The following SORCS2 variants were observed in gnomAD, a reference collection of about 807,000 sequenced individuals.
The protein encoded by SORCS2 is sortilin related VPS10 domain containing receptor 2.
A neutral mutation model predicts 141.6 loss-of-function variants in SORCS2; 100 were observed. That is an observed-to-expected ratio of 0.71 (90% CI 0.60 to 0.83). The LOEUF (loss-of-function observed/expected upper bound fraction) is 0.83, where lower values mean the gene tolerates loss of function less well. Among genes scored for constraint, SORCS2 ranks in the 40% least tolerant of loss-of-function variants. SORCS2 has a pLI of 0.00. For synonymous variants in SORCS2, 789 were observed against 676.9 expected (o/e 1.17, Z -2.57); for missense variants, 1,646 against 1,560.2 (o/e 1.05, Z -0.93).
At chr4:7,662,902 C>T (rs936878580) in intron 6 of SORCS2, among the ~76,000 whole-genome samples, 4 of 152,220 alleles carry the variant, frequency 2.6e-5, no homozygotes, top group African/African-American at 9.6e-5. Flanking sequence ...AGGCCTGGAA[C>T]ACTGAGAGCC....
At chr4:7,381,812 G>A (rs754932840) in intron 1 of SORCS2, 20 of 692,492 alleles carry the variant, frequency 2.9e-5, no homozygotes, top group Non-Finnish European at 3.6e-5. Flanking sequence ...CAGCCTGAAG[G>A]CCACCATGTG....
chr4:7,474,603 C>T (rs11736984), intron 2 of SORCS2, among the ~76,000 whole-genome samples: 10 of 152,096 alleles, frequency 6.6e-5, no homozygotes, highest in Admixed American at 2.0e-4. Flanking sequence ...GGGCCCAGTT[C>T]GGAAGCCCAG....
At position 7,661,510 on chromosome 4, in the gene SORCS2, G is replaced by A. The variant is rs1459507486; in HGVS notation, c.898G>A (p.Gly300Arg). 1.3e-6 allele frequency: 2 copies of A among 1,551,562 alleles called. No individual in the cohort carries two copies. Among genetic ancestry groups the A allele is most frequent in the Admixed American group, 3.9e-5 (2 of 50,978 alleles). The change falls in exon 6 of 27, where the codon GGG becomes AGG. Residue 300 changes from glycine (G) to arginine (R), a missense_variant. Transcript: ENST00000507866. Reference protein sequence around the residue: ...TKDHVFWSVSGVDADPDLVHV... With the variant: ...TKDHVFWSVSRVDADPDLVHV... ...GCTCTTCTTTTCCAGGTCTGTGTCT[G>A]GGGTGGACGCTGACCCTGACTTGGT...
At chr4:7,645,938 G>A (rs1195480849) in intron 4 of SORCS2, among the ~76,000 whole-genome samples, 1 of 152,186 alleles carries the variant, frequency 6.6e-6, no homozygotes, top group Non-Finnish European at 1.5e-5. Context: ...GTGAGTGGTT[G>A]CTACAGAGAC....
At chr4:7,560,039 T>C (rs972131306) in intron 3 of SORCS2, among the ~76,000 whole-genome samples, 2 of 152,214 alleles carry the variant, frequency 1.3e-5, no homozygotes, top group African/African-American at 2.4e-5. Context: ...GGGAGGCTTC[T>C]GTGGAGGCCC....
chr4:7,309,833 C>T (rs1452338405), intron 1 of SORCS2, among the ~76,000 whole-genome samples: 1 of 152,120 alleles, frequency 6.6e-6, no homozygotes, highest in Non-Finnish European at 1.5e-5. Flanking sequence ...AGGAGATACC[C>T]AGTGAGTGCT....
chr4:7,579,958 G>A (rs1021221416), intron 3 of SORCS2, among the ~76,000 whole-genome samples: 2 of 152,180 alleles, frequency 1.3e-5, no homozygotes, highest in African/African-American at 4.8e-5. Context: ...AGTCCAGGCA[G>A]AGGGAAGGAT....
intron 1 of SORCS2, among the ~76,000 whole-genome samples, chr4:7,215,026 C>T (rs1355797668): frequency 2.6e-5 from 4 of 152,088 alleles, no homozygotes; most frequent in East Asian, 3.9e-4. Context: ...CCCACTTTGG[C>T]GGCACTTGAG....
At chr4:7,264,899 C>A (rs939509379) in intron 1 of SORCS2, among the ~76,000 whole-genome samples, 1 of 152,218 alleles carries the variant, frequency 6.6e-6, no homozygotes, top group Non-Finnish European at 1.5e-5. Context: ...CATGCCAGAC[C>A]CCAGCCTGAA....
At chr4:7,402,326 A>G (rs954351265) in intron 2 of SORCS2, among the ~76,000 whole-genome samples, 10 of 152,184 alleles carry the variant, frequency 6.6e-5, no homozygotes, top group Non-Finnish European at 1.3e-4. Flanking sequence ...CCCCTTTTAT[A>G]TTAAAAACAT....
intron 2 of SORCS2, among the ~76,000 whole-genome samples, chr4:7,470,886 C>T (rs1729934294): frequency 6.6e-6 from 1 of 152,194 alleles, no homozygotes; most frequent in Non-Finnish European, 1.5e-5. Flanking sequence ...TCTCTGCAAA[C>T]ATCTCACGCT....
intron 1 of SORCS2, among the ~76,000 whole-genome samples, chr4:7,309,153 C>T (rs745747609): frequency 6.6e-5 from 10 of 152,238 alleles, no homozygotes; most frequent in South Asian, 4.1e-4. Flanking sequence ...ACCGGGCGCA[C>T]GCTGGCACTT....
intron 1 of SORCS2, among the ~76,000 whole-genome samples, chr4:7,251,304 A>G (rs1713494024): frequency 6.6e-6 from 1 of 152,192 alleles, no homozygotes; most frequent in African/African-American, 2.4e-5. Context: ...GGAGGTAGTA[A>G]GGAGTCATCA....
At chr4:7,481,254 A>C (rs1730616674) in intron 2 of SORCS2, among the ~76,000 whole-genome samples, 1 of 152,262 alleles carries the variant, frequency 6.6e-6, no homozygotes, top group South Asian at 2.1e-4. Flanking sequence ...CTCCTCTTAC[A>C]GAATGAATAG....
intron 2 of SORCS2, among the ~76,000 whole-genome samples, chr4:7,523,283 GACTCAAAT>G (rs1397761729): frequency 6.6e-6 from 1 of 152,154 alleles, no homozygotes; most frequent in African/African-American, 2.4e-5. Context: ...CTAGTGCTTA[GACTCAAAT>G]ACTCAAATCC....
chr4:7,665,657 T>C (rs968859717), intron 7 of SORCS2, among the ~76,000 whole-genome samples: 1 of 152,118 alleles, frequency 6.6e-6, no homozygotes, highest in Non-Finnish European at 1.5e-5. Flanking sequence ...TACCATTTAC[T>C]CCTTTTGTCC....
At chr4:7,426,728 A>G (rs1726468728) in intron 2 of SORCS2, among the ~76,000 whole-genome samples, 2 of 152,126 alleles carry the variant, frequency 1.3e-5, no homozygotes, top group African/African-American at 2.4e-5. Flanking sequence ...CTCTTTGTGT[A>G]CTTATGGGAT....
rs77348811 is a variant in SORCS2 at position 7,594,314 on chromosome 4, G to A, written c.649-44014G>A. Among the ~76,000 whole-genome samples the A allele has an allele frequency of 9.3e-4, 142 of 152,348 alleles. 2 individuals are homozygous for A. The East Asian group carries it at 0.026, about 27-fold the overall frequency. On this transcript the variant is annotated intron_variant, in intron 3 of 26. Coordinates refer to ENST00000507866, the MANE Select transcript of SORCS2 (RefSeq NM_020777.3). ...TGCCACGGTGTGTGCCACAGTGTCTGCAAGTGGCCTGGAGTGGGAAATAAC... is the reference window on the plus strand; with the variant it reads ...TGCCACGGTGTGTGCCACAGTGTCTACAAGTGGCCTGGAGTGGGAAATAAC...
At chr4:7,497,967 G>T (rs1476239973) in intron 2 of SORCS2, among the ~76,000 whole-genome samples, 3 of 152,260 alleles carry the variant, frequency 2.0e-5, no homozygotes, top group Admixed American at 6.5e-5. Flanking sequence ...CTGGAAGCGG[G>T]TGATGGAGAA....
Sources: allele counts gnomAD v4.1 joint callset (sites outside exome capture counted in the v4.1 genomes callset), GRCh38; gene constraint gnomAD v4.1.1; transcripts MANE v1.5; gene names NCBI Gene and HGNC (gene_info 2026-07-23, HGNC 2026-07-21).